The following EYA2 variants were observed in gnomAD, a reference collection of about 807,000 sequenced individuals.
EYA2 encodes the protein protein phosphatase EYA2.
In EYA2, 31 loss-of-function variants were observed where a neutral mutation model predicts 69.2. The ratio of observed to expected loss-of-function variants is 0.45; its 90% CI spans 0.34 to 0.60. The LOEUF (loss-of-function observed/expected upper bound fraction) is 0.60, where lower values mean the gene tolerates loss of function less well. Among genes scored for constraint, EYA2 ranks in the 20% least tolerant of loss-of-function variants. The pLI is 0.02. For missense variants in EYA2, 622 were observed against 701.2 expected (o/e 0.89, Z 1.28); for synonymous variants, 257 against 279.4 (o/e 0.92, Z 0.80).
At position 47,054,028 on chromosome 20, in the gene EYA2, TGTG is replaced by T. The variant is rs1236186473; in HGVS notation, c.416-18154_416-18152del. Among the ~76,000 whole-genome samples, 19 of 152,256 alleles carry T rather than the reference TGTG, an allele frequency of 1.2e-4. No individual in the cohort carries two copies. The South Asian group carries it at 2.9e-3, about 23-fold the overall frequency. On this transcript the variant is annotated intron_variant, in intron 5 of 15. Coordinates refer to ENST00000327619, the MANE Select transcript of EYA2 (RefSeq NM_005244.5). ...ATTGATGATGACACTCACCTTATAATGTGGTCATGAGGATTAAATTAATTAATA... is the reference window on the plus strand; with the variant it reads ...ATTGATGATGACACTCACCTTATAATGTCATGAGGATTAAATTAATTAATA...
intron 9 of EYA2, among the ~76,000 whole-genome samples, chr20:47,140,898 A>G (rs961089730): frequency 6.6e-6 from 1 of 152,188 alleles, no homozygotes; most frequent in African/African-American, 2.4e-5. Context: ...AGGGGAGTCA[A>G]CGTGTGCAAA....
chr20:46,955,173 G>A (rs539215621), intron 1 of EYA2, among the ~76,000 whole-genome samples: 33 of 132,790 alleles, frequency 2.5e-4, no homozygotes, highest in African/African-American at 8.9e-4. Context: ...TTTCACTCTT[G>A]TTGCCCAGGC....
intron 5 of EYA2, among the ~76,000 whole-genome samples, chr20:47,050,331 C>T (rs573882672): frequency 6.6e-6 from 1 of 152,318 alleles, no homozygotes; most frequent in South Asian, 2.1e-4. Context: ...CAGCAGGACA[C>T]ATCAGCAGAC....
intron 5 of EYA2, among the ~76,000 whole-genome samples, chr20:47,024,985 A>G (rs905208446): frequency 5.3e-5 from 8 of 152,184 alleles, no homozygotes; most frequent in East Asian, 1.9e-4. Context: ...AGAATGCCCT[A>G]TCTTCTTCCT....
intron 5 of EYA2, among the ~76,000 whole-genome samples, chr20:47,024,636 GC>G (rs1464195707): frequency 6.6e-6 from 1 of 152,178 alleles, no homozygotes; most frequent in East Asian, 1.9e-4. Context: ...CCGCTGACTT[GC>G]AGCTCCATCT....
rs566046917 is a variant in EYA2, at chr20:46,923,685, G to A, written c.-11+28698G>A. Among the ~76,000 whole-genome samples, 19 of 152,206 alleles carry A rather than the reference G, an allele frequency of 1.2e-4. 1 individual carries two copies. The South Asian group carries it at 3.1e-3, about 25-fold the overall frequency. On this transcript the variant is annotated intron_variant, in intron 1 of 15. Coordinates refer to ENST00000327619, the MANE Select transcript of EYA2 (RefSeq NM_005244.5). ...GATGCACAAAAGAAAAATAATACAC[G>A]TGTGCTGGGTGTGTGTGTGTGTGTG...
At chr20:47,097,192 C>G (rs1040314073) in intron 9 of EYA2, 24 bp downstream of exon 9, 1 of 1,566,746 alleles carries the variant, frequency 6.4e-7, no homozygotes, top group Non-Finnish European at 8.7e-7. Flanking sequence ...TTGTCTCTCT[C>G]TCTCTTTTTT....
chr20:46,975,439 G>A (rs1368079673), intron 1 of EYA2, among the ~76,000 whole-genome samples: 1 of 152,240 alleles, frequency 6.6e-6, no homozygotes, highest in Non-Finnish European at 1.5e-5. Flanking sequence ...GGAGGCCAAA[G>A]CAGGAGGATT....
chr20:46,932,837 G>A (rs1364579647), intron 1 of EYA2, among the ~76,000 whole-genome samples: 4 of 152,142 alleles, frequency 2.6e-5, no homozygotes, highest in Admixed American at 2.6e-4. Context: ...AGTGAGCCGA[G>A]ATCGAGCCAC....
intron 5 of EYA2, among the ~76,000 whole-genome samples, chr20:47,020,300 C>G (rs1489805190): frequency 6.6e-6 from 1 of 152,190 alleles, no homozygotes; most frequent in Non-Finnish European, 1.5e-5. Context: ...GGTCTTCTAG[C>G]TAATCTCATA....
intron 9 of EYA2, among the ~76,000 whole-genome samples, chr20:47,099,704 T>C (rs1404883572): frequency 1.3e-5 from 2 of 152,338 alleles, no homozygotes; most frequent in Non-Finnish European, 2.9e-5. Context: ...AAATCCTACT[T>C]ATCTTTCAGT....
At chr20:46,960,720 G>A (rs960782384) in intron 1 of EYA2, among the ~76,000 whole-genome samples, 18 of 152,100 alleles carry the variant, frequency 1.2e-4, no homozygotes, top group African/African-American at 4.1e-4. Flanking sequence ...CAGTTCAATC[G>A]CAAAGTTCGG....
At chr20:46,921,573 G>A (rs1212115239) in intron 1 of EYA2, among the ~76,000 whole-genome samples, 3 of 152,284 alleles carry the variant, frequency 2.0e-5, no homozygotes, top group Middle Eastern at 3.4e-3. Flanking sequence ...TTCAGGCACA[G>A]GAACTGGACC....
intron 1 of EYA2, among the ~76,000 whole-genome samples, chr20:46,937,000 C>T (rs745418653): frequency 1.3e-5 from 2 of 152,140 alleles, no homozygotes; most frequent in Non-Finnish European, 2.9e-5. Flanking sequence ...TTTAAGTGCC[C>T]CAGCTAAGTG....
chr20:46,931,925 G>A (rs767415319), intron 1 of EYA2, among the ~76,000 whole-genome samples: 12 of 150,938 alleles, frequency 8.0e-5, no homozygotes, highest in Non-Finnish European at 1.8e-4. Context: ...AGATTAATTC[G>A]TGTGGCCACA....
intron 15 of EYA2, among the ~76,000 whole-genome samples, chr20:47,184,274 C>T (rs1020720133): frequency 1.3e-5 from 2 of 152,296 alleles, no homozygotes; most frequent in Admixed American, 6.5e-5. Context: ...GTCAGTCGCA[C>T]TGGTGTGTGG....
intron 1 of EYA2, among the ~76,000 whole-genome samples, chr20:46,965,751 C>T (rs1282002780): frequency 2.0e-5 from 3 of 152,244 alleles, no homozygotes; most frequent in East Asian, 1.9e-4. Context: ...CCTTGGCTCC[C>T]GTCCGCCGGG....
At chr20:47,177,852 C>G (rs2034453473) in intron 12 of EYA2, among the ~76,000 whole-genome samples, 1 of 152,254 alleles carries the variant, frequency 6.6e-6, no homozygotes, top group East Asian at 1.9e-4. Flanking sequence ...GCCCTCTGCC[C>G]TAGAGTGAAT....
At chr20:46,980,818 CT>C (rs1365784923) in intron 1 of EYA2, among the ~76,000 whole-genome samples, 2 of 152,192 alleles carry the variant, frequency 1.3e-5, no homozygotes, top group African/African-American at 4.8e-5. Context: ...ATGAGATCTA[CT>C]TTTTTAGCTC....
Sources: allele counts gnomAD v4.1 joint callset (sites outside exome capture counted in the v4.1 genomes callset), GRCh38; gene constraint gnomAD v4.1.1; transcripts MANE v1.5; gene names NCBI Gene and HGNC (gene_info 2026-07-23, HGNC 2026-07-21).